The following EXD3 variants were observed in gnomAD, a reference collection of about 807,000 sequenced individuals.
The protein encoded by EXD3 is exonuclease 3'-5' domain containing 3.
EXD3 carries 92 observed loss-of-function variants against 98.0 expected under a neutral mutation model. The ratio of observed to expected loss-of-function variants is 0.94; its 90% CI spans 0.79 to 1.12. The LOEUF is 1.12. EXD3 is among the 50% of genes most tolerant of loss of function. The pLI is 0.00. For missense variants in EXD3, 1,222 were observed against 1,191.6 expected, an observed-to-expected ratio of 1.03 and a Z score of -0.38; for synonymous variants, 569 against 526.0, an observed-to-expected ratio of 1.08 and a Z score of -1.12.
intron 2 of EXD3, among the ~76,000 whole-genome samples, chr9:137,388,814 G>A (rs942251806): frequency 3.9e-5 from 6 of 152,280 alleles, no homozygotes; most frequent in East Asian, 1.9e-4. Flanking sequence ...CAGACCCCGC[G>A]GCAGTGAGTG....
chr9:137,343,214 T>C (rs183507896), intron 17 of EXD3: 2 of 152,360 alleles, frequency 1.3e-5, no homozygotes, highest in East Asian at 1.9e-4. Context: ...GGACAAAGTT[T>C]AATAACATCA....
chr9:137,338,655 G>A (rs1833488643), intron 17 of EXD3, among the ~76,000 whole-genome samples: 2 of 151,756 alleles, frequency 1.3e-5, no homozygotes, highest in Non-Finnish European at 2.9e-5. Flanking sequence ...GGGAGGCTGA[G>A]GAGGGCAGAT....
At chr9:137,413,378 T>C (rs752142074) in intron 1 of EXD3, among the ~76,000 whole-genome samples, 1 of 151,976 alleles carries the variant, frequency 6.6e-6, no homozygotes, top group Non-Finnish European at 1.5e-5. Context: ...TTTTTTGTAT[T>C]TTTAGTAGAG....
chr9:137,420,260 C>A (rs937996691), intron 1 of EXD3, among the ~76,000 whole-genome samples: 1 of 152,056 alleles, frequency 6.6e-6, no homozygotes, highest in African/African-American at 2.4e-5. Flanking sequence ...ACCTTGCTGA[C>A]TCTTTTTATA....
At position 137,349,163 on chromosome 9, in the gene EXD3, C is replaced by T. The variant is rs1019727727; in HGVS notation, c.1777G>A (p.Ala593Thr). ...TTCTGCAGGCCGGGTGGCTTCCGTG[C>T]CCCTGGTCTCTCTCTGTGCCTGGGC... Reference protein sequence around the residue: ...RRPRHRERPGARKPPGLQKAS... With the variant: ...RRPRHRERPGTRKPPGLQKAS... The change falls in exon 16 of 22, where the codon GCA becomes ACA. Residue 593 changes from alanine to threonine, a missense_variant. Physicochemically the swap from Ala to Thr is moderately conservative, Grantham distance 58. Coordinates refer to ENST00000340951, the MANE Select transcript of EXD3 (RefSeq NM_017820.5). This position sits in a 1 kb window ranked among gnomAD's most constrained non-coding sequence, Gnocchi z 7.4. The T allele has an allele frequency of 3.1e-6, 5 of 1,595,512 alleles. No homozygotes were observed. The South Asian group carries it at 3.3e-5, about 11-fold the overall frequency.
chr9:137,333,559 T>C (rs887137588), intron 17 of EXD3, among the ~76,000 whole-genome samples: 6 of 152,136 alleles, frequency 3.9e-5, no homozygotes, highest in African/African-American at 1.4e-4. Context: ...CACTCGATCA[T>C]GGGGGAGGAT....
rs375043248 is a variant in EXD3, at chr9:137,372,946, C to T, written c.421G>A (p.Ala141Thr). 7 of 1,601,618 alleles carry T rather than the reference C, an allele frequency of 4.4e-6. No homozygotes were observed. In the African/African-American group the frequency reaches 8.0e-5, roughly 18 times the overall value. Residue 141 changes from alanine to threonine, a missense_variant, in exon 5 of 22, where the codon GCA becomes ACA. By Grantham distance (58) the Ala-to-Thr change is moderately conservative. Transcript: ENST00000340951. ...LQDADRSCLLAHVHRLHHEGR... is the reference protein window; with the variant it reads ...LQDADRSCLLTHVHRLHHEGR... ...TCGTGGTGGAGGCGGTGGACGTGTGCCAGCAGGCAGCTCCTGTCTGCATCC... is the reference window on the plus strand; with the variant it reads ...TCGTGGTGGAGGCGGTGGACGTGTGTCAGCAGGCAGCTCCTGTCTGCATCC...
chr9:137,313,063 G>C (rs1350248402), intron 19 of EXD3, among the ~76,000 whole-genome samples: 1 of 152,152 alleles, frequency 6.6e-6, no homozygotes, highest in Non-Finnish European at 1.5e-5. Flanking sequence ...GACAGGACTG[G>C]GCAGCTGCAC....
At chr9:137,397,563 C>G (rs1428143381) in intron 1 of EXD3, among the ~76,000 whole-genome samples, 1 of 152,018 alleles carries the variant, frequency 6.6e-6, no homozygotes, top group Non-Finnish European at 1.5e-5. Flanking sequence ...TGGAAAAACA[C>G]AAAAAACAGA....
chr9:137,354,987 C>T (rs1017746810), intron 8 of EXD3, among the ~76,000 whole-genome samples: 3 of 152,214 alleles, frequency 2.0e-5, no homozygotes, highest in African/African-American at 7.2e-5. Flanking sequence ...GTCTCCCTTG[C>T]ACTTGTGTGG....
chr9:137,311,831 C>T (rs1005153898), intron 19 of EXD3, among the ~76,000 whole-genome samples: 2 of 152,140 alleles, frequency 1.3e-5, no homozygotes, highest in African/African-American at 2.4e-5. Context: ...CTTGCTGGAC[C>T]GACTGCCCTG....
chr9:137,419,003 A>C (rs1465127108), intron 1 of EXD3, among the ~76,000 whole-genome samples: 1 of 152,194 alleles, frequency 6.6e-6, no homozygotes, highest in East Asian at 1.9e-4. Flanking sequence ...ACCAAATTTC[A>C]AGTCCTAACA....
intron 17 of EXD3, among the ~76,000 whole-genome samples, chr9:137,336,649 C>A: frequency 9.8e-6 from 1 of 102,034 alleles, no homozygotes. Context: ...CAAAGTGAGA[C>A]TCCGTCTAAA....
rs527677038 is a variant in EXD3 at position 137,312,774 on chromosome 9, T to C, written c.2185-3074A>G. On this transcript the variant is annotated intron_variant, in intron 19 of 21. Transcript: ENST00000340951. ...GTCTGGGGGCTCTGAGCATCAAAGC[T>C]GGGAGCCACACCCACGAGTAGGCCC... is the stretch of plus-strand genomic sequence containing the variant. 2.5e-4 allele frequency among the ~76,000 whole-genome samples: 38 copies of C among 152,216 alleles called. 1 individual carries two copies. The South Asian group carries it at 7.7e-3, about 31-fold the overall frequency.
In EXD3 at chr9:137,393,200, T is replaced by C. The variant is rs1398610595; in HGVS notation, c.55+2103A>G. On this transcript the variant is annotated intron_variant, in intron 2 of 21. Transcript: ENST00000340951. The surrounding 1 kb of genome is among the most constrained non-coding windows in gnomAD (Gnocchi z 4.6). ...GCACTTTGAAAACATCCCACTCTGC[T>C]TAGGTGGAGAAGAGGCTGTAGAAGC... The C allele has an allele frequency of 8.5e-6, 6 of 702,452 alleles. No homozygotes were observed. 43.5% of individuals were successfully genotyped at this position (702,452 alleles called of 1,614,324 possible).
Position 137,385,078 on chromosome 9 carries a change from C to T in EXD3, c.56-1701G>A, listed in dbSNP as rs550149296. 6.6e-5 allele frequency among the ~76,000 whole-genome samples: 10 copies of T among 152,244 alleles called. No individual in the cohort carries two copies. The highest frequency in any genetic ancestry group is 2.0e-4 in the Admixed American group (3 of 15,296). The stretch of plus-strand genomic sequence containing the variant: ...CTGCACTCCAGCCTGGGCAACAGAG[C>T]GAGACTCCGTCTCAGACAAAAACCA... On this transcript the variant is annotated intron_variant, in intron 2 of 21. Transcript: ENST00000340951. The surrounding 1 kb of genome is among the most constrained non-coding windows in gnomAD (Gnocchi z 4.4).
chr9:137,373,233 T>C (rs1835729791), intron 4 of EXD3, among the ~76,000 whole-genome samples, 161 bp from the exon 5 acceptor site: 1 of 152,152 alleles, frequency 6.6e-6, no homozygotes, highest in African/African-American at 2.4e-5. Flanking sequence ...GCGAGGCCGG[T>C]CTCAGCACGT....
intron 2 of EXD3, among the ~76,000 whole-genome samples, chr9:137,387,117 C>G (rs1220670713): frequency 1.3e-5 from 2 of 152,018 alleles, no homozygotes; most frequent in African/African-American, 2.4e-5. Flanking sequence ...TACTCCTTGT[C>G]TGCCTCCCTC....
chr9:137,404,815 G>A (rs1471650311), intron 1 of EXD3, among the ~76,000 whole-genome samples: 1 of 151,418 alleles, frequency 6.6e-6, no homozygotes, highest in Non-Finnish European at 1.5e-5. Flanking sequence ...AGCCAAGGTC[G>A]CACCATTGCA....
Sources: allele counts gnomAD v4.1 joint callset (sites outside exome capture counted in the v4.1 genomes callset), GRCh38; gene constraint gnomAD v4.1.1; non-coding constraint Gnocchi (gnomAD v3.1); transcripts MANE v1.5; gene names NCBI Gene and HGNC (gene_info 2026-07-23, HGNC 2026-07-21).